The following ABCA12 variants were observed in gnomAD, a reference collection of about 807,000 sequenced individuals.
ABCA12 encodes ATP binding cassette subfamily A member 12.
In ABCA12, 156 loss-of-function variants were observed where a neutral mutation model predicts 293.5. The ratio of observed to expected loss-of-function variants is 0.53; its 90% CI spans 0.47 to 0.61. The LOEUF is 0.61. Ranked by LOEUF, ABCA12 falls within the 20% of genes least tolerant of loss-of-function variation. The probability of loss-of-function intolerance (pLI) is 0.00; values close to 1 mark genes in which losing one functional copy is unlikely to be tolerated. For missense variants in ABCA12, 2,797 were observed against 3,090.2 expected, an observed-to-expected ratio of 0.91 and a Z score of 2.25; for synonymous variants, 1,063 against 1,108.0, an observed-to-expected ratio of 0.96 and a Z score of 0.81.
chr2:214,937,250 G>A (rs1413687634), intron 51 of ABCA12, among the ~76,000 whole-genome samples: 1 of 152,166 alleles, frequency 6.6e-6, no homozygotes, highest in Admixed American at 6.5e-5. Flanking sequence ...CCAGGCTGGA[G>A]TGCAGTGGCA....
At chr2:215,123,491 A>G (rs760524814) in intron 1 of ABCA12, among the ~76,000 whole-genome samples, 1 of 152,112 alleles carries the variant, frequency 6.6e-6, no homozygotes, top group Non-Finnish European at 1.5e-5. Context: ...TCTTTATCCA[A>G]TGAACTGTTG....
intron 15 of ABCA12, among the ~76,000 whole-genome samples, chr2:215,012,706 T>C (rs998482237): frequency 3.9e-5 from 6 of 152,150 alleles, no homozygotes; most frequent in Non-Finnish European, 8.8e-5. Flanking sequence ...TAAAATTAGA[T>C]TGTGGTAATA....
At chr2:214,999,314 C>T (rs1700095441) in intron 22 of ABCA12, among the ~76,000 whole-genome samples, 1 of 152,080 alleles carries the variant, frequency 6.6e-6, no homozygotes, top group Non-Finnish European at 1.5e-5. Flanking sequence ...TAGATTTGGT[C>T]TAGTATAAAG....
At chr2:215,060,753 T>C (rs1701512403) in intron 3 of ABCA12, among the ~76,000 whole-genome samples, 1 of 152,076 alleles carries the variant, frequency 6.6e-6, no homozygotes, top group African/African-American at 2.4e-5. Flanking sequence ...TAATATCTTT[T>C]GGTCAGTTTC....
In ABCA12 at chr2:214,968,715, T is replaced by A; in HGVS notation, c.5778+5A>T. 1 of 1,612,802 alleles carries A rather than the reference T, an allele frequency of 6.2e-7. No individual in the cohort carries two copies. Reference sequence around the variant, plus strand: ...TAACATTCCAGAAAAAAGATCAAAATTTACCTTGGCAAGTGTTCTATTGGC... The same window carrying A: ...TAACATTCCAGAAAAAAGATCAAAAATTACCTTGGCAAGTGTTCTATTGGC... On this transcript the variant is annotated splice_donor_5th_base_variant and intron_variant, in intron 38 of 52. Coordinates refer to ENST00000272895, the MANE Select transcript of ABCA12 (RefSeq NM_173076.3).
chr2:215,105,335 G>C lies in ABCA12; in HGVS notation c.163+6262C>G, dbSNP rs72952487. On this transcript the variant is annotated intron_variant, in intron 2 of 52. Transcript: ENST00000272895. ...GCTTGGCTTTTAACTGGCATGCAGG[G>C]AAGATAAAAGGACATGCATCAACGT... Among the ~76,000 whole-genome samples the C allele has an allele frequency of 5.6e-3, 847 of 152,262 alleles. 4 individuals are homozygous for C. The highest frequency in any genetic ancestry group is 8.2e-3 in the Non-Finnish European group (561 of 68,028).
intron 50 of ABCA12, among the ~76,000 whole-genome samples, chr2:214,942,255 C>CT (rs986813352): frequency 1.3e-5 from 2 of 152,302 alleles, no homozygotes; most frequent in Admixed American, 6.5e-5. Context: ...AACAGACTCT[C>CT]TAAGAGCAAC....
At chr2:215,051,685 G>A (rs1406360477) in intron 5 of ABCA12, among the ~76,000 whole-genome samples, 2 of 91,412 alleles carry the variant, frequency 2.2e-5, no homozygotes, top group Admixed American at 1.2e-4. Flanking sequence ...AGGTGAGTGG[G>A]AGAGAGAGAG....
At position 214,975,792 on chromosome 2, in the gene ABCA12, AGGCTGTCT is replaced by A. The variant is rs753136378; in HGVS notation, c.5366_5373del (p.Gln1789LeufsTer4). ...TAACAGAAAGAAACTTACGCATAGA[AGGCTGTCT>A]GTTCGGAGGTACCATAAAGAGAGGG... On this transcript the variant is annotated frameshift_variant, in exon 34 of 53. Transcript: ENST00000272895. LOFTEE classifies it high-confidence loss of function. 99 of 1,614,064 alleles carry A rather than the reference AGGCTGTCT, an allele frequency of 6.1e-5. No individual in the cohort carries two copies. The South Asian group carries it at 1.0e-3, about 17-fold the overall frequency.
intron 2 of ABCA12, among the ~76,000 whole-genome samples, chr2:215,065,607 C>T (rs1015365723): frequency 1.3e-5 from 2 of 151,808 alleles, no homozygotes; most frequent in African/African-American, 4.8e-5. Context: ...TTAAAGATGG[C>T]GGAAAAAGCT....
intron 6 of ABCA12, among the ~76,000 whole-genome samples, chr2:215,048,952 C>A (rs11889365): frequency 6.6e-6 from 1 of 152,034 alleles, no homozygotes. Flanking sequence ...AGCTACATGA[C>A]GAGAACACGT....
intron 1 of ABCA12, among the ~76,000 whole-genome samples, chr2:215,116,450 G>A (rs985599521): frequency 4.6e-5 from 7 of 152,174 alleles, no homozygotes; most frequent in Non-Finnish European, 1.0e-4. Context: ...AGATAGGTAG[G>A]TAGATAGATT....
intron 2 of ABCA12, among the ~76,000 whole-genome samples, chr2:215,088,713 G>T (rs1245798630): frequency 6.6e-6 from 1 of 152,074 alleles, no homozygotes; most frequent in Non-Finnish European, 1.5e-5. Context: ...ATGGGAAGAG[G>T]CAAAATTGAT....
At chr2:215,091,446 C>A (rs977736521) in intron 2 of ABCA12, among the ~76,000 whole-genome samples, 1 of 152,148 alleles carries the variant, frequency 6.6e-6, no homozygotes, top group Non-Finnish European at 1.5e-5. Flanking sequence ...CTTTAGCCGA[C>A]CTCTCCCAAA....
At chr2:214,989,513 G>T (rs1699867140) in intron 25 of ABCA12, 39 bp downstream of exon 25, 1 of 1,613,952 alleles carries the variant, frequency 6.2e-7, no homozygotes. Flanking sequence ...CAGCACAGTT[G>T]TGAAAGATAA....
At chr2:214,960,828 G>A (rs1027797045) in intron 39 of ABCA12, among the ~76,000 whole-genome samples, 74 of 152,052 alleles carry the variant, frequency 4.9e-4, no homozygotes, top group African/African-American at 1.8e-3. Flanking sequence ...ATTTGTTAAG[G>A]AAAACAAGCA....
At chr2:215,098,975 G>A (rs1422512221) in intron 2 of ABCA12, among the ~76,000 whole-genome samples, 1 of 152,224 alleles carries the variant, frequency 6.6e-6, no homozygotes, top group African/African-American at 2.4e-5. Context: ...AGGCTGTGTG[G>A]TGGTTTTAAA....
At chr2:215,059,186 C>T (rs1338536116) in intron 3 of ABCA12, among the ~76,000 whole-genome samples, 12 of 151,998 alleles carry the variant, frequency 7.9e-5, no homozygotes, top group East Asian at 1.9e-4. Context: ...TATGTAGTGG[C>T]ACCTGGAAAC....
In ABCA12 at chr2:215,039,583, G is replaced by C. The variant is rs1396420521; in HGVS notation, c.873-2518C>G. 2.0e-5 allele frequency among the ~76,000 whole-genome samples: 3 copies of C among 151,946 alleles called. No individual in the cohort carries two copies. The East Asian group carries it at 5.8e-4, about 29-fold the overall frequency. On this transcript the variant is annotated intron_variant, in intron 7 of 52. Coordinates refer to ENST00000272895, the MANE Select transcript of ABCA12 (RefSeq NM_173076.3). Reference sequence around the variant, plus strand: ...ATCCTGGCTAACACAGTGAGACACCGTCTCTACTAAAAATACAAAAAATTA... The same window carrying C: ...ATCCTGGCTAACACAGTGAGACACCCTCTCTACTAAAAATACAAAAAATTA...
Sources: gnomAD v4.1 joint callset for allele counts (sites outside exome capture counted in the v4.1 genomes callset) on GRCh38, gnomAD v4.1.1 for gene constraint, MANE v1.5 for transcripts, NCBI Gene and HGNC (gene_info 2026-07-23, HGNC 2026-07-21) for gene names.